Variants in ZNF618 observed in about 807,000 individuals in gnomAD.
The protein encoded by ZNF618 is zinc finger protein 618, also known as neural precursor cell expressed, developmentally down-regulated 10.
In ZNF618, 34 loss-of-function variants were observed where a neutral mutation model predicts 103.0. The ratio of observed to expected loss-of-function variants is 0.33; its 90% CI spans 0.25 to 0.44. The LOEUF is 0.44. Among genes scored for constraint, ZNF618 ranks in the 20% least tolerant of loss-of-function variants. ZNF618 has a pLI of 1.00. For synonymous variants in ZNF618, 551 were observed against 542.2 expected (o/e 1.02, Z -0.23); for missense variants, 1,059 against 1,295.4 (o/e 0.82, Z 2.80).
intron 1 of ZNF618, among the ~76,000 whole-genome samples, chr9:113,966,205 A>C (rs907889671): frequency 1.3e-5 from 2 of 152,174 alleles, no homozygotes; most frequent in Non-Finnish European, 2.9e-5. Flanking sequence ...CTCAAGTCCC[A>C]AGCCAGTCCC....
chr9:114,030,459 T>C (rs1385397943), intron 11 of ZNF618, among the ~76,000 whole-genome samples: 1 of 152,222 alleles, frequency 6.6e-6, no homozygotes, highest in Non-Finnish European at 1.5e-5. Flanking sequence ...CTGGGAGTTT[T>C]TATGCCTGCG....
At chr9:113,896,444 T>C (rs1023480938) in intron 1 of ZNF618, among the ~76,000 whole-genome samples, 8 of 152,068 alleles carry the variant, frequency 5.3e-5, no homozygotes, top group Non-Finnish European at 1.0e-4. Context: ...TATTCTGTTA[T>C]GAGAAACATT....
intron 10 of ZNF618, among the ~76,000 whole-genome samples, chr9:114,026,051 G>A (rs771739655): frequency 4.6e-5 from 7 of 152,228 alleles, no homozygotes; most frequent in Non-Finnish European, 7.3e-5. Flanking sequence ...TGAAAGGGAA[G>A]GCAAGAGGGG....
rs906462918 is a variant in ZNF618 at position 114,049,753 on chromosome 9, G to A, written c.2451G>A (p.Val817=). The stretch of plus-strand genomic sequence containing the variant: ...ACCCGCAGCAGAAGCTGCGGCCTGT[G>A]CCACCCTACCAGCACGAGGAGATCA... ...ILDPQQKLRP[V]PPYQHEEIIG... Residue 817 remains valine (V), a synonymous_variant, in exon 15 of 15, where the codon GTG becomes GTA. Transcript: ENST00000374126. 3.1e-6 allele frequency: 5 copies of A among 1,613,846 alleles called. No individual in the cohort carries two copies. The highest frequency in any genetic ancestry group is 4.2e-6 in the Non-Finnish European group (5 of 1,179,918).
At chr9:113,908,486 T>C (rs1161730166) in intron 1 of ZNF618, among the ~76,000 whole-genome samples, 1 of 152,196 alleles carries the variant, frequency 6.6e-6, no homozygotes, top group Non-Finnish European at 1.5e-5. Flanking sequence ...TATATTAATA[T>C]TCTATGTTAT....
At chr9:113,949,855 G>A (rs186406987) in intron 1 of ZNF618, among the ~76,000 whole-genome samples, 2 of 152,296 alleles carry the variant, frequency 1.3e-5, no homozygotes, top group Admixed American at 6.5e-5. Context: ...GCGAAGTCGC[G>A]CCACCTGGTA....
chr9:113,892,206 CA>C (rs1277511636), intron 1 of ZNF618, among the ~76,000 whole-genome samples: 6 of 152,058 alleles, frequency 3.9e-5, no homozygotes, highest in African/African-American at 7.2e-5. Context: ...CCCGCCCCCC[CA>C]ATATAAAAAT....
At chr9:113,998,192 C>T (rs1840809840) in intron 3 of ZNF618, 67 bp from the exon 4 acceptor site, 1 of 1,449,842 alleles carries the variant, frequency 6.9e-7, no homozygotes, top group Non-Finnish European at 9.5e-7. Flanking sequence ...GCCAACTTCG[C>T]CCCTTCCCTA....
At chr9:113,910,091 T>C (rs1831387972) in intron 1 of ZNF618, among the ~76,000 whole-genome samples, 1 of 151,984 alleles carries the variant, frequency 6.6e-6, no homozygotes, top group Non-Finnish European at 1.5e-5. Flanking sequence ...CCTAGCCTAT[T>C]TTTATGAACT....
At chr9:113,951,179 T>C (rs1279064627) in intron 1 of ZNF618, among the ~76,000 whole-genome samples, 2 of 151,358 alleles carry the variant, frequency 1.3e-5, no homozygotes, top group African/African-American at 4.9e-5. Context: ...GGGGCTGGAC[T>C]AGCTGTGTGG....
At chr9:113,888,938 G>A (rs556786152) in intron 1 of ZNF618, among the ~76,000 whole-genome samples, 4 of 152,270 alleles carry the variant, frequency 2.6e-5, no homozygotes, top group South Asian at 4.2e-4. Context: ...AGATTTACAA[G>A]GTAAGGTCTG....
At chr9:113,971,528 G>C (rs1837965031) in intron 2 of ZNF618, among the ~76,000 whole-genome samples, 1 of 152,166 alleles carries the variant, frequency 6.6e-6, no homozygotes, top group Non-Finnish European at 1.5e-5. Flanking sequence ...AGTGTCTCCT[G>C]CATGGCAGGC....
intron 13 of ZNF618, among the ~76,000 whole-genome samples, chr9:114,042,917 C>T (rs1416872685): frequency 1.3e-5 from 2 of 152,232 alleles, no homozygotes; most frequent in Non-Finnish European, 2.9e-5. Context: ...TAGCCACTGG[C>T]AGGTAACACC....
chr9:113,997,280 G>C (rs1840709994), intron 3 of ZNF618, among the ~76,000 whole-genome samples: 1 of 151,756 alleles, frequency 6.6e-6, no homozygotes, highest in Non-Finnish European at 1.5e-5. Flanking sequence ...GCTAATTTTT[G>C]TGTTTTCTGT....
intron 1 of ZNF618, among the ~76,000 whole-genome samples, chr9:113,934,895 T>A (rs1001605530): frequency 6.6e-6 from 1 of 152,198 alleles, no homozygotes; most frequent in African/African-American, 2.4e-5. Context: ...GCCTTTATGC[T>A]TTCTAAGCTC....
chr9:114,047,494 G>A (rs1845754643), intron 13 of ZNF618, among the ~76,000 whole-genome samples: 1 of 152,168 alleles, frequency 6.6e-6, no homozygotes, highest in South Asian at 2.1e-4. Flanking sequence ...CTTGGGGGGT[G>A]TAGCTGGTAC....
At chr9:113,980,384 G>A (rs750862159) in intron 2 of ZNF618, among the ~76,000 whole-genome samples, 4 of 151,838 alleles carry the variant, frequency 2.6e-5, no homozygotes, top group Non-Finnish European at 4.4e-5. Flanking sequence ...AGTTCGGTGG[G>A]GGGCCAGTCC....
intron 1 of ZNF618, among the ~76,000 whole-genome samples, chr9:113,920,760 G>T (rs1281239560): frequency 6.6e-6 from 1 of 152,234 alleles, no homozygotes; most frequent in African/African-American, 2.4e-5. Flanking sequence ...TTAAATGAAA[G>T]AATGGATATG....
intron 1 of ZNF618, among the ~76,000 whole-genome samples, chr9:113,892,494 A>G (rs913416544): frequency 7.9e-5 from 12 of 152,212 alleles, no homozygotes; most frequent in African/African-American, 2.7e-4. Context: ...GCTGGATTGT[A>G]CATTTCAAAA....
Sources: allele counts gnomAD v4.1 joint callset (sites outside exome capture counted in the v4.1 genomes callset), GRCh38; gene constraint gnomAD v4.1.1; transcripts MANE v1.5; gene names NCBI Gene and HGNC (gene_info 2026-07-23, HGNC 2026-07-21).